SKOR2: variants seen among roughly 807,000 people sequenced by gnomAD.
The protein encoded by SKOR2 is LBX1 corepressor 1-like protein.
SKOR2 carries 47 observed loss-of-function variants against 69.1 expected under a neutral mutation model. The ratio of observed to expected loss-of-function variants is 0.68; its 90% CI spans 0.54 to 0.87. SKOR2 has a LOEUF of 0.87. SKOR2 is among the 40% of genes least tolerant of loss of function. The pLI is 0.00. For synonymous variants in SKOR2, 717 were observed against 672.6 expected, an observed-to-expected ratio of 1.07 and a Z score of -1.02; for missense variants, 1,404 against 1,472.2, an observed-to-expected ratio of 0.95 and a Z score of 0.76.
At chr18:47,212,176 C>A in intron 7 of SKOR2, 25 bp from the exon 8 acceptor site, 2 of 1,231,754 alleles carry the variant, frequency 1.6e-6, no homozygotes, top group Non-Finnish European at 2.0e-6. Context: ...CAAGCAACAC[C>A]ATCCAGGTAA....
chr18:47,239,909 C>A (rs920131354), intron 4 of SKOR2, among the ~76,000 whole-genome samples: 5 of 151,958 alleles, frequency 3.3e-5, no homozygotes, highest in Non-Finnish European at 5.9e-5. Context: ...CCTAATGTCA[C>A]CTAGTGAGGG....
Position 47,249,237 on chromosome 18 carries a change from G to A in SKOR2, c.-47-7C>T. The A allele has an allele frequency of 6.7e-7, 1 of 1,492,030 alleles. No individual in the cohort carries two copies. The highest frequency in any genetic ancestry group is 8.9e-7 in the Non-Finnish European group (1 of 1,124,704). 92.4% of individuals were successfully genotyped at this position (1,492,030 alleles called of 1,614,324 possible). On this transcript the variant is annotated splice_polypyrimidine_tract_variant and splice_region_variant and intron_variant, in intron 1 of 8. Coordinates refer to ENST00000425639, the MANE Select transcript of SKOR2 (RefSeq NM_001278063.4). ...TACAGGTCTGCCTTGGACACTGGAA[G>A]GGAAAGGAGAAAGCGTTGACTTGAG...
chr18:47,246,495 A>T, intron 2 of SKOR2, 76 bp downstream of exon 2: 3 of 1,404,252 alleles, frequency 2.1e-6, no homozygotes, highest in Non-Finnish European at 2.8e-6. Flanking sequence ...TTTCCTGCGC[A>T]TATGTAACCG....
At chr18:47,218,714 A>T (rs956640647) in intron 7 of SKOR2, among the ~76,000 whole-genome samples, 5 of 152,206 alleles carry the variant, frequency 3.3e-5, no homozygotes, top group African/African-American at 1.2e-4. Flanking sequence ...AGAATACAAT[A>T]AATACATTCA....
chr18:47,226,220 G>A (rs1422058608), intron 6 of SKOR2, among the ~76,000 whole-genome samples: 2 of 152,188 alleles, frequency 1.3e-5, no homozygotes, highest in Admixed American at 6.5e-5. Flanking sequence ...GGTGCTGGAG[G>A]AAAAGAGAGG....
At chr18:47,249,476 C>A (rs1019678634) in intron 1 of SKOR2, among the ~76,000 whole-genome samples, 5 of 152,188 alleles carry the variant, frequency 3.3e-5, no homozygotes, top group Non-Finnish European at 7.4e-5. Context: ...GTATTTTCCT[C>A]AAAAGCAGTG....
At chr18:47,250,203 T>C (rs1037534489) in intron 1 of SKOR2, among the ~76,000 whole-genome samples, 5 of 152,230 alleles carry the variant, frequency 3.3e-5, no homozygotes, top group African/African-American at 1.2e-4. Flanking sequence ...TCTATATCTT[T>C]ATGGGGAAAA....
intron 4 of SKOR2, among the ~76,000 whole-genome samples, chr18:47,234,875 A>AAAAAAAAAAAGG (rs61505723): frequency 6.8e-6 from 1 of 147,056 alleles, no homozygotes; most frequent in Admixed American, 6.8e-5. Flanking sequence ...AAAAAAAAAA[A>AAAAAAAAAAAGG]GAGAGGGGGT....
intron 4 of SKOR2, among the ~76,000 whole-genome samples, chr18:47,232,982 A>G (rs1210547192): frequency 6.6e-6 from 1 of 152,180 alleles, no homozygotes; most frequent in African/African-American, 2.4e-5. Context: ...AATTTTCAAC[A>G]TGATATTATC....
chr18:47,245,120 C>A, intron 3 of SKOR2, 138 bp from the exon 4 acceptor site: 1 of 671,010 alleles, frequency 1.5e-6, no homozygotes, highest in Non-Finnish European at 2.5e-6. Context: ...CAAGGAGAAA[C>A]AATCAGAAGG....
chr18:47,231,484 G>A (rs968492335), intron 4 of SKOR2, among the ~76,000 whole-genome samples: 3 of 152,104 alleles, frequency 2.0e-5, no homozygotes, highest in Non-Finnish European at 2.9e-5. Context: ...ATGTGAGGAG[G>A]CTTTGAGTTG....
At chr18:47,245,907 T>A (rs563784770) in intron 2 of SKOR2, among the ~76,000 whole-genome samples, 3 of 152,302 alleles carry the variant, frequency 2.0e-5, no homozygotes, top group Admixed American at 2.0e-4. Flanking sequence ...CCAGAGTGTT[T>A]TCTGTGCACA....
intron 1 of SKOR2, among the ~76,000 whole-genome samples, chr18:47,250,111 T>C (rs930053164): frequency 2.6e-5 from 4 of 152,214 alleles, no homozygotes; most frequent in African/African-American, 7.2e-5. Context: ...GGGATCTTCA[T>C]TGGCAGACTT....
chr18:47,232,004 G>A (rs920251055), intron 4 of SKOR2, among the ~76,000 whole-genome samples: 1 of 151,912 alleles, frequency 6.6e-6, no homozygotes, highest in Non-Finnish European at 1.5e-5. Context: ...GCTGAATGTG[G>A]TGATGTGCAC....
At chr18:47,241,657 G>A (rs1169715623) in intron 4 of SKOR2, among the ~76,000 whole-genome samples, 1 of 151,504 alleles carries the variant, frequency 6.6e-6, no homozygotes, top group Non-Finnish European at 1.5e-5. Context: ...AACCCATAAC[G>A]ATGAAGTTCT....
chr18:47,244,125 TTATATAA>T (rs1440822928), intron 4 of SKOR2, among the ~76,000 whole-genome samples: 1 of 152,216 alleles, frequency 6.6e-6, no homozygotes, highest in Non-Finnish European at 1.5e-5. Context: ...TACTTTGCCG[TTATATAA>T]GATTCCTTTA....
chr18:47,250,354 A>G (rs1484340476), intron 1 of SKOR2, among the ~76,000 whole-genome samples: 1 of 152,242 alleles, frequency 6.6e-6, no homozygotes, highest in African/African-American at 2.4e-5. Flanking sequence ...AATATTCAGT[A>G]AGTTGAAAAT....
At position 47,248,781 on chromosome 18, in the gene SKOR2, T is replaced by C; in HGVS notation, c.403A>G (p.Arg135Gly). 6.4e-7 allele frequency: 1 copy of C among 1,551,254 alleles called. No individual in the cohort carries two copies. The highest frequency in any genetic ancestry group is 1.2e-5 in the South Asian group (1 of 85,338). ...RLCKSFLGEN[R>G]PPKLPDNFAF... The stretch of plus-strand genomic sequence containing the variant: ...AAATTGTCTGGCAGCTTGGGCGGCC[T>C]GTTTTCGCCCAGGAACGACTTGCAC... Residue 135 changes from arginine to glycine, a missense_variant, in exon 2 of 9, where the codon AGG becomes GGG. This residue lies in a region of SKOR2 where 1,266 missense variants were observed against 1,309.9 expected (regional missense o/e 0.97). Coordinates refer to ENST00000425639, the MANE Select transcript of SKOR2 (RefSeq NM_001278063.4). The surrounding 1 kb of genome is among the most constrained non-coding windows in gnomAD (Gnocchi z 6.4).
chr18:47,224,360 G>GTGCA (rs1282393950), intron 6 of SKOR2, among the ~76,000 whole-genome samples: 1 of 152,214 alleles, frequency 6.6e-6, no homozygotes, highest in African/African-American at 2.4e-5. Flanking sequence ...GAGCACTGAA[G>GTGCA]TGCAGCATGT....
Sources: allele counts gnomAD v4.1 joint callset (sites outside exome capture counted in the v4.1 genomes callset), GRCh38; gene constraint gnomAD v4.1.1; regional missense constraint gnomAD v4.1.1; non-coding constraint Gnocchi (gnomAD v3.1); transcripts MANE v1.5; gene names NCBI Gene and HGNC (gene_info 2026-07-23, HGNC 2026-07-21).